Variants in WDR70 observed in about 807,000 individuals in gnomAD.
WDR70 encodes WD repeat-containing protein 70.
WDR70 carries 53 observed loss-of-function variants against 88.6 expected under a neutral mutation model. The observed-to-expected ratio is 0.60, with a 90% CI of 0.48 to 0.75. The LOEUF (loss-of-function observed/expected upper bound fraction) is 0.75, where lower values mean the gene tolerates loss of function less well. WDR70 is among the 30% of genes least tolerant of loss of function. The pLI, the probability that WDR70 is intolerant of heterozygous loss-of-function variation, is 0.00. For missense variants in WDR70, 610 were observed against 823.2 expected, an observed-to-expected ratio of 0.74 and a Z score of 3.17; for synonymous variants, 280 against 270.0, an observed-to-expected ratio of 1.04 and a Z score of -0.36.
chr5:37,615,260 A>G (rs889332137), intron 10 of WDR70, among the ~76,000 whole-genome samples: 2 of 152,102 alleles, frequency 1.3e-5, no homozygotes, highest in African/African-American at 4.8e-5. Context: ...GAATTAGGTA[A>G]GAAAGAGTTA....
At chr5:37,528,027 G>T (rs868233043) in intron 9 of WDR70, among the ~76,000 whole-genome samples, 1 of 152,168 alleles carries the variant, frequency 6.6e-6, no homozygotes, top group African/African-American at 2.4e-5. Context: ...TTACACTGTT[G>T]GTGGGACTGT....
chr5:37,600,182 A>T (rs1400966067), intron 9 of WDR70, among the ~76,000 whole-genome samples: 1 of 152,170 alleles, frequency 6.6e-6, no homozygotes, highest in Non-Finnish European at 1.5e-5. Context: ...TGGGGAAAAT[A>T]TTTGCAAATA....
intron 5 of WDR70, among the ~76,000 whole-genome samples, chr5:37,398,519 C>T (rs554348163): frequency 2.0e-5 from 3 of 152,292 alleles, no homozygotes; most frequent in African/African-American, 7.2e-5. Flanking sequence ...CTGTCAAAAT[C>T]GGTATTCTTT....
intron 3 of WDR70, among the ~76,000 whole-genome samples, chr5:37,385,045 C>T (rs897466754): frequency 1.2e-4 from 18 of 152,096 alleles, no homozygotes; most frequent in African/African-American, 4.3e-4. Flanking sequence ...ACTTTACTTG[C>T]GTTTAACAGT....
intron 9 of WDR70, among the ~76,000 whole-genome samples, chr5:37,551,739 A>G (rs967633408): frequency 6.6e-6 from 1 of 151,554 alleles, no homozygotes; most frequent in African/African-American, 2.4e-5. Flanking sequence ...AAAAAAAAAA[A>G]AAATTATTTT....
intron 9 of WDR70, among the ~76,000 whole-genome samples, chr5:37,545,376 TTTACA>T (rs1268677771): frequency 2.6e-5 from 4 of 152,212 alleles, no homozygotes; most frequent in African/African-American, 9.6e-5. Flanking sequence ...AAATATACTG[TTTACA>T]TTACGTTCCT....
intron 8 of WDR70, among the ~76,000 whole-genome samples, chr5:37,497,265 C>CTCCCTCCCTTT (rs1237389854): frequency 5.4e-5 from 8 of 148,150 alleles, no homozygotes; most frequent in Non-Finnish European, 6.0e-5. Context: ...TCCTCCCTTC[C>CTCCCTCCCTTT]TCCCTCCCTT....
At chr5:37,476,472 C>G (rs990749882) in intron 7 of WDR70, among the ~76,000 whole-genome samples, 2 of 152,152 alleles carry the variant, frequency 1.3e-5, no homozygotes, top group East Asian at 1.9e-4. Context: ...GAAAAGCCAG[C>G]CTTTTGTGTA....
intron 9 of WDR70, among the ~76,000 whole-genome samples, chr5:37,518,262 T>G (rs1013957826): frequency 6.6e-6 from 1 of 152,156 alleles, no homozygotes; most frequent in African/African-American, 2.4e-5. Flanking sequence ...TTGACTATAG[T>G]CACTCTGTTA....
intron 11 of WDR70, among the ~76,000 whole-genome samples, chr5:37,699,394 T>TACACACACACAC (rs1491413872): frequency 6.1e-3 from 27 of 4,396 alleles, no homozygotes; most frequent in Admixed American, 0.011. Context: ...TATGTGTGTA[T>TACACACACACAC]ATATATATAC....
intron 9 of WDR70, among the ~76,000 whole-genome samples, chr5:37,590,589 T>G (rs1743503353): frequency 6.6e-6 from 1 of 152,150 alleles, no homozygotes; most frequent in Non-Finnish European, 1.5e-5. Flanking sequence ...CAGTTAGGCC[T>G]TAAATCCGAC....
intron 10 of WDR70, among the ~76,000 whole-genome samples, chr5:37,639,803 AAT>A (rs1365476505): frequency 8.5e-5 from 13 of 152,198 alleles, no homozygotes; most frequent in Admixed American, 3.3e-4. Flanking sequence ...ACTGTTTCTC[AAT>A]AGTCATTTAC....
At chr5:37,745,904 T>C (rs1748624660) in intron 17 of WDR70, among the ~76,000 whole-genome samples, 1 of 152,196 alleles carries the variant, frequency 6.6e-6, no homozygotes, top group Non-Finnish European at 1.5e-5. Context: ...GGACTTGAAC[T>C]CAGCTCTCGA....
chr5:37,706,202 T>G lies in WDR70; in HGVS notation c.1416+3115T>G, dbSNP rs535790338. 8.5e-5 allele frequency among the ~76,000 whole-genome samples: 13 copies of G among 152,364 alleles called. No homozygotes were observed. The East Asian group carries it at 2.5e-3, about 29-fold the overall frequency. On this transcript the variant is annotated intron_variant, in intron 13 of 17. Transcript: ENST00000265107. ...TGTCATATTCTTTGAAAAATTTCCTTTCTCTGTTCATTGTAGATTCTCAAG... is the reference window on the plus strand; with the variant it reads ...TGTCATATTCTTTGAAAAATTTCCTGTCTCTGTTCATTGTAGATTCTCAAG...
At chr5:37,385,435 A>G (rs1454992302) in intron 3 of WDR70, among the ~76,000 whole-genome samples, 5 of 144,584 alleles carry the variant, frequency 3.5e-5, no homozygotes, top group Middle Eastern at 3.2e-3. Context: ...TGAGAGGGTC[A>G]GTTGAGCCCA....
At chr5:37,718,342 T>C (rs1381808863) in intron 13 of WDR70, among the ~76,000 whole-genome samples, 1 of 152,174 alleles carries the variant, frequency 6.6e-6, no homozygotes, top group Non-Finnish European at 1.5e-5. Flanking sequence ...AACTGCCTGT[T>C]TGGCTGGATG....
intron 10 of WDR70, among the ~76,000 whole-genome samples, chr5:37,688,842 G>A (rs1456657590): frequency 2.8e-5 from 4 of 142,958 alleles, no homozygotes; most frequent in African/African-American, 9.8e-5. Context: ...TGGACAGTGG[G>A]TGCAGCCCAT....
At chr5:37,697,899 TACATTTCTA>T in intron 11 of WDR70, 145 bp downstream of exon 11, 1 of 557,588 alleles carries the variant, frequency 1.8e-6, no homozygotes, top group East Asian at 3.0e-5. Flanking sequence ...TTCATTAAAA[TACATTTCTA>T]ACTTTGCAAC....
At position 37,526,430 on chromosome 5, in the gene WDR70, T is replaced by C. The variant is rs1008692592; in HGVS notation, c.917+9840T>C. ...AGAAAAGGCCTTTGACAAAATTCAA[T>C]AGCCCTTCATGCTAAAAACTCTCAA... On this transcript the variant is annotated intron_variant, in intron 9 of 17. Coordinates refer to ENST00000265107, the MANE Select transcript of WDR70 (RefSeq NM_018034.4). 5.3e-5 allele frequency among the ~76,000 whole-genome samples: 8 copies of C among 152,128 alleles called. 1 individual carries two copies. The South Asian group carries it at 6.2e-4, about 12-fold the overall frequency.
Sources: allele counts gnomAD v4.1 joint callset (sites outside exome capture counted in the v4.1 genomes callset), GRCh38; gene constraint gnomAD v4.1.1; transcripts MANE v1.5; gene names NCBI Gene and HGNC (gene_info 2026-07-23, HGNC 2026-07-21).